The following PRR5L variants were observed in gnomAD, a reference collection of about 807,000 sequenced individuals.
PRR5L encodes the protein proline-rich protein 5-like.
PRR5L carries 21 observed loss-of-function variants against 36.4 expected under a neutral mutation model. That is an observed-to-expected ratio of 0.58 (90% CI 0.41 to 0.83). The LOEUF is 0.83. Ranked by LOEUF, PRR5L falls within the 40% of genes least tolerant of loss-of-function variation. PRR5L has a pLI of 0.00. For missense variants in PRR5L, 381 were observed against 473.3 expected (o/e 0.80, Z 1.81); for synonymous variants, 188 against 197.0 (o/e 0.95, Z 0.38).
At chr11:36,410,895 C>T (rs77531520) in intron 3 of PRR5L, among the ~76,000 whole-genome samples, 3,931 of 152,344 alleles carry the variant, frequency 0.026, 84 homozygotes, top group Non-Finnish European at 0.031. Context: ...AGCTACAGCA[C>T]TGGGCACAGG....
chr11:36,396,786 CT>C (rs919910449), intron 1 of PRR5L, among the ~76,000 whole-genome samples: 1 of 152,186 alleles, frequency 6.6e-6, no homozygotes, highest in African/African-American at 2.4e-5. Context: ...GGCAGCTGTT[CT>C]TTCTCCTTTC....
chr11:36,362,183 T>C (rs1651962884), intron 1 of PRR5L: 1 of 151,714 alleles, frequency 6.6e-6, no homozygotes, highest in South Asian at 2.1e-4. Flanking sequence ...CCGAGTGATG[T>C]AGGCAAGGGA....
Position 36,437,477 on chromosome 11 carries a change from G to A in PRR5L, c.444+1G>A. 1 of 1,579,252 alleles carries A rather than the reference G, an allele frequency of 6.3e-7. No homozygotes were observed. The highest frequency in any genetic ancestry group is 8.7e-7 in the Non-Finnish European group (1 of 1,150,140). ...GCAGGCAATATTTTATCCAGTTCAG[G>A]TTAGTCTCATTGGGGAACACTTCCT... On this transcript the variant is annotated splice_donor_variant, in intron 6 of 8. Coordinates refer to ENST00000530639, the MANE Select transcript of PRR5L (RefSeq NM_001160167.2). LOFTEE classifies it high-confidence loss of function.
chr11:36,397,952 T>C (rs1020266370), intron 1 of PRR5L, among the ~76,000 whole-genome samples: 1 of 152,014 alleles, frequency 6.6e-6, no homozygotes, highest in African/African-American at 2.4e-5. Context: ...TGCGCCCCCA[T>C]GCCCGGCTCA....
chr11:36,448,660 C>G (rs141879585), intron 7 of PRR5L, among the ~76,000 whole-genome samples: 3 of 152,282 alleles, frequency 2.0e-5, no homozygotes, highest in African/African-American at 4.8e-5. Flanking sequence ...GATGCTGGGT[C>G]CCTGACCTCA....
chr11:36,446,462 G>T lies in PRR5L; in HGVS notation c.585+22G>T, dbSNP rs146924663. On this transcript the variant is annotated intron_variant, in intron 7 of 8. Transcript: ENST00000530639. ...GCAGGTGAGGCTGTGCTGGAGACTT[G>T]CCCCAAGGCAGAGGGAGGGAGCGAG... The T allele has an allele frequency of 7.7e-4, 1,249 of 1,611,784 alleles. 8 individuals carry two copies. The African/African-American group carries it at 0.013, about 16-fold the overall frequency.
At chr11:36,321,850 C>T (rs1856616389) in intron 1 of PRR5L, among the ~76,000 whole-genome samples, 1 of 152,154 alleles carries the variant, frequency 6.6e-6, no homozygotes, top group South Asian at 2.1e-4. Flanking sequence ...AGTAGATGGC[C>T]ATCTTCTCCC....
rs200741591 is a variant in PRR5L, at chr11:36,403,356, T to C, written c.223T>C (p.Tyr75His). The C allele has an allele frequency of 2.5e-6, 4 of 1,614,060 alleles. No individual in the cohort carries two copies. The highest frequency in any genetic ancestry group is 3.3e-5 in the Admixed American group (2 of 60,016). ...GGGTGGCTTGCAAAGCAACGAGCTC[T>C]ATGCCCTGAACGAAAACATCAGGTA... ...KGGGLQSNELYALNENIRRLL... is the reference protein window; with the variant it reads ...KGGGLQSNELHALNENIRRLL... Residue 75 changes from tyrosine (Y) to histidine (H), a missense_variant, in exon 3 of 9, where the codon TAT (tyrosine) becomes CAT (histidine). Tyr to His is a moderately conservative substitution (Grantham distance 83, BLOSUM62 2). Transcript: ENST00000530639.
chr11:36,433,523 C>G (rs1411388031), intron 5 of PRR5L, among the ~76,000 whole-genome samples: 2 of 152,274 alleles, frequency 1.3e-5, no homozygotes, highest in East Asian at 1.9e-4. Context: ...TCTTAGGTGA[C>G]TTGCTTTGAC....
chr11:36,387,177 G>A (rs971883069), intron 1 of PRR5L, among the ~76,000 whole-genome samples: 1 of 152,144 alleles, frequency 6.6e-6, no homozygotes, highest in African/African-American at 2.4e-5. Flanking sequence ...AGAAATCGGT[G>A]ATGGGCTGCA....
rs1564958291 is a variant in PRR5L at position 36,464,557 on chromosome 11, A to AAAG, written c.*1822_*1824dup. ...AATAATCTCTATGTATGTGTTGGATAAAGTCTACAGACTGACTAACATGCA... is the reference window on the plus strand; with the variant it reads ...AATAATCTCTATGTATGTGTTGGATAAAGAAGTCTACAGACTGACTAACATGCA... On this transcript the variant is annotated 3_prime_UTR_variant, in exon 9 of 9. Coordinates refer to ENST00000530639, the MANE Select transcript of PRR5L (RefSeq NM_001160167.2). The AAAG allele has an allele frequency of 6.6e-6, 1 of 152,272 alleles. No individual in the cohort carries two copies. The highest frequency in any genetic ancestry group is 1.5e-5 in the Non-Finnish European group (1 of 68,056). The allele number at this position is 152,272 out of a possible 1,614,324, so 9.4% of individuals were successfully genotyped here. A position where few individuals can be genotyped will look rare whatever the true frequency, so the allele number is the denominator to read the frequency against.
rs1564957656 is a variant in PRR5L, at chr11:36,463,200, AG to A, written c.*467del. ...GTTTATGGGTGAAAAATTAGTGGAGAGGGAACTCCTCTCCCCCATTTTGTGT... is the reference window on the plus strand; with the variant it reads ...GTTTATGGGTGAAAAATTAGTGGAGAGGAACTCCTCTCCCCCATTTTGTGT... On this transcript the variant is annotated 3_prime_UTR_variant, in exon 9 of 9. Transcript: ENST00000530639. 6.5e-6 allele frequency: 1 copy of A among 153,890 alleles called. No homozygotes were observed. The highest frequency in any genetic ancestry group is 2.4e-5 in the African/African-American group (1 of 41,438). The allele number at this position is 153,890 out of a possible 1,614,324, so 9.5% of individuals were successfully genotyped here.
At position 36,462,809 on chromosome 11, in the gene PRR5L, T is replaced by C. The variant is rs961094991; in HGVS notation, c.*73T>C. On this transcript the variant is annotated 3_prime_UTR_variant, in exon 9 of 9. Coordinates refer to ENST00000530639, the MANE Select transcript of PRR5L (RefSeq NM_001160167.2). The stretch of plus-strand genomic sequence containing the variant: ...GGACCCCTCCATCTCCGTGGATTAC[T>C]GAGGGGGGCTCTTGCTTTATGCGAT... 10 of 1,370,398 alleles carry C rather than the reference T, an allele frequency of 7.3e-6. No homozygotes were observed. The African/African-American group carries it at 1.3e-4, about 18-fold the overall frequency. The allele number at this position is 1,370,398 out of a possible 1,614,324, so 84.9% of individuals were successfully genotyped here. A position where few individuals can be genotyped will look rare whatever the true frequency, so the allele number is the denominator to read the frequency against.
At chr11:36,422,440 G>A (rs936110189) in intron 4 of PRR5L, among the ~76,000 whole-genome samples, 1 of 152,198 alleles carries the variant, frequency 6.6e-6, no homozygotes. Flanking sequence ...AAAGGTGAAA[G>A]ATGGGCTTCC....
rs116931655 is a variant in PRR5L, at chr11:36,367,864, A to T, written c.-125-33133A>T. On this transcript the variant is annotated intron_variant, in intron 1 of 8. Coordinates refer to ENST00000530639, the MANE Select transcript of PRR5L (RefSeq NM_001160167.2). ...AGTCCAGGGTGTATGTGAGGGAGTT[A>T]ATATAATAAGGGAATCTAATCTGGG... Among the ~76,000 whole-genome samples the T allele has an allele frequency of 6.0e-3, 918 of 152,158 alleles. 12 individuals carry two copies. Among genetic ancestry groups the T allele is most frequent in the East Asian group, 0.047 (244 of 5,170 alleles).
intron 1 of PRR5L, among the ~76,000 whole-genome samples, chr11:36,374,102 C>T (rs1283394870): frequency 1.0e-4 from 8 of 78,762 alleles, no homozygotes; most frequent in Non-Finnish European, 2.0e-4. Flanking sequence ...TCCTTCCTTC[C>T]TTCCTCTCTC....
intron 1 of PRR5L, among the ~76,000 whole-genome samples, chr11:36,317,925 C>G (rs763840056): frequency 6.6e-6 from 1 of 152,178 alleles, no homozygotes; most frequent in South Asian, 2.1e-4. Context: ...CTGCTATGGA[C>G]ATTTTCTGAT....
At chr11:36,441,982 G>T (rs1263870590) in intron 6 of PRR5L, among the ~76,000 whole-genome samples, 1 of 152,116 alleles carries the variant, frequency 6.6e-6, no homozygotes, top group Non-Finnish European at 1.5e-5. Flanking sequence ...TCCCCTGAGC[G>T]TGGCCTCCAA....
intron 1 of PRR5L, among the ~76,000 whole-genome samples, chr11:36,368,947 A>G (rs1435410146): frequency 6.6e-6 from 1 of 152,240 alleles, no homozygotes; most frequent in Non-Finnish European, 1.5e-5. Context: ...GAGTCGTGAG[A>G]CAAAAATGTT....
Sources: allele counts gnomAD v4.1 joint callset (sites outside exome capture counted in the v4.1 genomes callset), GRCh38; gene constraint gnomAD v4.1.1; transcripts MANE v1.5; gene names NCBI Gene and HGNC (gene_info 2026-07-23, HGNC 2026-07-21).